Variants in DLG2 observed in about 807,000 individuals in gnomAD.
The protein encoded by DLG2 is disks large homolog 2.
A neutral mutation model predicts 132.5 loss-of-function variants in DLG2; 45 were observed. That is an observed-to-expected ratio of 0.34 (90% CI 0.27 to 0.44). The LOEUF is 0.44. Among genes scored for constraint, DLG2 ranks in the 20% least tolerant of loss-of-function variants. DLG2 has a pLI of 1.00. For missense variants in DLG2, 1,045 were observed against 1,196.9 expected, an observed-to-expected ratio of 0.87 and a Z score of 1.87; for synonymous variants, 424 against 419.6, an observed-to-expected ratio of 1.01 and a Z score of -0.13.
intron 6 of DLG2, among the ~76,000 whole-genome samples, chr11:85,013,044 T>C (rs1315564938): frequency 1.3e-5 from 2 of 152,196 alleles, no homozygotes; most frequent in East Asian, 3.8e-4. Context: ...TTTAATGTCA[T>C]GTACCTGCCT....
At chr11:83,704,560 T>C (rs2083538110) in intron 18 of DLG2, among the ~76,000 whole-genome samples, 1 of 151,592 alleles carries the variant, frequency 6.6e-6, no homozygotes, top group South Asian at 2.1e-4. Flanking sequence ...CTCATACCTG[T>C]AATCTTAGCA....
intron 16 of DLG2, among the ~76,000 whole-genome samples, chr11:83,859,525 C>A (rs2061091872): frequency 6.6e-6 from 1 of 152,106 alleles, no homozygotes; most frequent in African/African-American, 2.4e-5. Flanking sequence ...GGGTATCTGG[C>A]AGAAGAAATT....
chr11:84,880,547 T>G (rs1253231322), intron 6 of DLG2, among the ~76,000 whole-genome samples: 1 of 152,138 alleles, frequency 6.6e-6, no homozygotes, highest in Non-Finnish European at 1.5e-5. Flanking sequence ...AAGATAAATA[T>G]ATGGCCTTGC....
At chr11:85,165,420 A>T (rs1433741318) in intron 4 of DLG2, among the ~76,000 whole-genome samples, 3 of 152,216 alleles carry the variant, frequency 2.0e-5, no homozygotes, top group Non-Finnish European at 4.4e-5. Context: ...AAAATGGGAC[A>T]GTTTTCTAAA....
intron 3 of DLG2, among the ~76,000 whole-genome samples, chr11:85,294,579 C>A (rs1404716872): frequency 2.6e-5 from 4 of 152,106 alleles, no homozygotes; most frequent in Admixed American, 6.6e-5. Flanking sequence ...CCTTCTTCAC[C>A]TATAAAATTT....
chr11:85,424,913 C>A (rs955779016), intron 3 of DLG2, among the ~76,000 whole-genome samples: 8 of 152,170 alleles, frequency 5.3e-5, no homozygotes, highest in African/African-American at 1.9e-4. Context: ...AAATAAATTT[C>A]TGTTGCTTAA....
intron 3 of DLG2, among the ~76,000 whole-genome samples, chr11:85,439,456 T>G (rs938878425): frequency 2.0e-5 from 3 of 151,610 alleles, no homozygotes; most frequent in Middle Eastern, 6.8e-3. Flanking sequence ...GCCTTCCAGG[T>G]TCACGCCATT....
chr11:84,235,309 C>G (rs2097144296), intron 8 of DLG2, among the ~76,000 whole-genome samples: 2 of 152,202 alleles, frequency 1.3e-5, no homozygotes, highest in Admixed American at 1.3e-4. Context: ...TTCTCAGGGT[C>G]TCCTGGAGCT....
Position 84,886,041 on chromosome 11 carries a change from A to G in DLG2, c.357+225620T>C, listed in dbSNP as rs1440078890. 2.0e-5 allele frequency among the ~76,000 whole-genome samples: 3 copies of G among 152,116 alleles called. No homozygotes were observed. The East Asian group carries it at 5.8e-4, about 29-fold the overall frequency. On this transcript the variant is annotated intron_variant, in intron 6 of 27. Coordinates refer to ENST00000376104, the MANE Select transcript of DLG2 (RefSeq NM_001142699.3). ...CAGGGATCTTGTTTCCATGGGGCTT[A>G]CAATCTCATGAGGGAGATAGACTCA...
chr11:84,091,127 T>C (rs1017275627), intron 10 of DLG2, among the ~76,000 whole-genome samples: 3 of 152,220 alleles, frequency 2.0e-5, no homozygotes, highest in African/African-American at 4.8e-5. Flanking sequence ...CTCTTCTTTA[T>C]TTTATATTTA....
chr11:83,483,451 T>C (rs1329605422), intron 22 of DLG2, among the ~76,000 whole-genome samples: 1 of 152,076 alleles, frequency 6.6e-6, no homozygotes, highest in Non-Finnish European at 1.5e-5. Flanking sequence ...AAAAAAACTT[T>C]CACCCCAAAC....
chr11:85,473,721 G>A (rs1365668068), intron 3 of DLG2, among the ~76,000 whole-genome samples: 1 of 151,876 alleles, frequency 6.6e-6, no homozygotes, highest in Non-Finnish European at 1.5e-5. Context: ...ATTCCCTAGA[G>A]GTAGACTTGT....
At chr11:84,954,713 G>A (rs1289051720) in intron 6 of DLG2, among the ~76,000 whole-genome samples, 1 of 152,136 alleles carries the variant, frequency 6.6e-6, no homozygotes, top group Non-Finnish European at 1.5e-5. Flanking sequence ...CTCAGGTATT[G>A]TCTAGACAGT....
At chr11:84,288,457 T>C (rs2097940366) in intron 7 of DLG2, among the ~76,000 whole-genome samples, 1 of 152,096 alleles carries the variant, frequency 6.6e-6, no homozygotes, top group Non-Finnish European at 1.5e-5. Context: ...AGAATACCTA[T>C]GACTGAAAAG....
chr11:85,214,180 C>T (rs1298532538), intron 4 of DLG2, among the ~76,000 whole-genome samples: 6 of 152,150 alleles, frequency 3.9e-5, no homozygotes, highest in African/African-American at 1.4e-4. Context: ...TTCCCAGTCT[C>T]TACGGTCTAC....
At chr11:85,480,590 G>A (rs552511280) in intron 3 of DLG2, among the ~76,000 whole-genome samples, 3 of 152,166 alleles carry the variant, frequency 2.0e-5, no homozygotes, top group Non-Finnish European at 4.4e-5. Context: ...GAGAGCATAT[G>A]CACACTTAAC....
At chr11:84,530,027 A>C (rs1042276578) in intron 7 of DLG2, among the ~76,000 whole-genome samples, 1 of 152,166 alleles carries the variant, frequency 6.6e-6, no homozygotes, top group African/African-American at 2.4e-5. Context: ...AAGTGGAAAA[A>C]AACCGGCAAT....
intron 18 of DLG2, among the ~76,000 whole-genome samples, chr11:83,698,542 A>G (rs1415690925): frequency 6.6e-6 from 1 of 152,216 alleles, no homozygotes; most frequent in Non-Finnish European, 1.5e-5. Context: ...CTAGCCTGGA[A>G]GGACCTCAAT....
intron 6 of DLG2, among the ~76,000 whole-genome samples, chr11:84,813,921 A>C (rs183026680): frequency 1.8e-4 from 27 of 152,154 alleles, no homozygotes; most frequent in Admixed American, 4.6e-4. Context: ...ATCATTTGGA[A>C]ATAGGATGGT....
Sources: allele counts gnomAD v4.1 joint callset (sites outside exome capture counted in the v4.1 genomes callset), GRCh38; gene constraint gnomAD v4.1.1; transcripts MANE v1.5; gene names NCBI Gene and HGNC (gene_info 2026-07-23, HGNC 2026-07-21).